Variants in ID2 observed in about 807,000 individuals in gnomAD.
The protein encoded by ID2 is inhibitor of DNA binding 2, also known as DNA-binding protein inhibitor ID-2.
A neutral mutation model predicts 8.3 loss-of-function variants in ID2; 2 were observed. That is an observed-to-expected ratio of 0.24 (90% CI 0.10 to 0.76). The LOEUF (loss-of-function observed/expected upper bound fraction) is 0.76, where lower values mean the gene tolerates loss of function less well. ID2 is among the 30% of genes least tolerant of loss of function. The pLI, the probability that ID2 is intolerant of heterozygous loss-of-function variation, is 0.73. For missense variants in ID2, 155 were observed against 167.0 expected (o/e 0.93, Z 0.40); for synonymous variants, 112 against 72.3 (o/e 1.55, Z -2.79).
Position 8,683,046 on chromosome 2 carries a change from A to G in ID2, c.*7+140A>G, listed in dbSNP as rs1283904720. 8.4e-6 allele frequency: 6 copies of G among 712,734 alleles called. No individual in the cohort carries two copies. The East Asian group carries it at 1.0e-4, about 12-fold the overall frequency. 44.2% of individuals were successfully genotyped at this position (712,734 alleles called of 1,614,324 possible). A position where few individuals can be genotyped will look rare whatever the true frequency, so the allele number is the denominator to read the frequency against. On this transcript the variant is annotated intron_variant, in intron 2 of 2. Transcript: ENST00000396290. ...TACTTCGCGGTGTTACCCGTACTAC[A>G]TTGTCTCACTAGACATGAAGGAGCT... is the stretch of plus-strand genomic sequence containing the variant.
At position 8,682,506 on chromosome 2, in the gene ID2, C is replaced by G; in HGVS notation, c.341C>G (p.Ser114Cys). 1.2e-6 allele frequency: 2 copies of G among 1,612,110 alleles called. No individual in the cohort carries two copies. Among genetic ancestry groups the G allele is most frequent in the Non-Finnish European group, 8.5e-7 (1 of 1,179,306 alleles). ...CTCAACACGGATATCAGCATCCTGTCCTTGCAGGTAAGACCTGCTCCGGGG... is the reference window on the plus strand; with the variant it reads ...CTCAACACGGATATCAGCATCCTGTGCTTGCAGGTAAGACCTGCTCCGGGG... The part of the protein sequence containing the change: ...TTLNTDISIL[S>C]LQASEFPSEL... Residue 114 changes from serine to cysteine, a missense_variant, in exon 1 of 3, where the codon TCC becomes TGC. By Grantham distance (112) the Ser-to-Cys change is moderately radical (BLOSUM62 -1). Transcript: ENST00000396290.
At chr2:8,682,935 T>TAAACTGCCC in intron 2 of ID2, 29 bp downstream of exon 2, 1 of 1,571,976 alleles carries the variant, frequency 6.4e-7, no homozygotes, top group Non-Finnish European at 8.8e-7. Flanking sequence ...CACCCGTGGG[T>TAAACTGCCC]AAACTGCCCC....
intron 1 of ID2, 67 bp from the exon 2 acceptor site, chr2:8,682,776 A>AC (rs1662120189): frequency 4.5e-5 from 56 of 1,236,088 alleles, no homozygotes; most frequent in Middle Eastern, 1.9e-4. Flanking sequence ...AAAAAAAAAA[A>AC]AAAAAAAAAA....
At chr2:8,682,982 T>G (rs1234605471) in intron 2 of ID2, 76 bp downstream of exon 2, 2 of 1,063,188 alleles carry the variant, frequency 1.9e-6, no homozygotes, top group African/African-American at 3.1e-5. Flanking sequence ...TGTTTTTGCT[T>G]GTGTATCTAT....
At position 8,682,099 on chromosome 2, in the gene ID2, C is replaced by G. The variant is rs551788901; in HGVS notation, c.-67C>G. 4.7e-6 allele frequency: 6 copies of G among 1,284,580 alleles called. No individual in the cohort carries two copies. The highest frequency in any genetic ancestry group is 6.6e-6 in the Non-Finnish European group (6 of 906,328). 79.6% of individuals were successfully genotyped at this position (1,284,580 alleles called of 1,614,324 possible). On this transcript the variant is annotated 5_prime_UTR_variant, in exon 1 of 3. Coordinates refer to ENST00000396290, the MANE Select transcript of ID2 (RefSeq NM_002166.5). ...TGCCAAGCGCAGCTAGCTCAGCAGG[C>G]GGCAGCGGCGGCCTGAGCTTCAGGG...
chr2:8,684,095 T>C lies in ID2; in HGVS notation c.*418T>C, dbSNP rs926783899. On this transcript the variant is annotated 3_prime_UTR_variant, in exon 3 of 3. Transcript: ENST00000396290. ...AGTCTTTTGGTCAGAAATTACCTTT[T>C]TGACACAAGCCTACTGAATGCTGTG... 1 of 152,322 alleles carries C rather than the reference T, an allele frequency of 6.6e-6. No individual in the cohort carries two copies. The highest frequency in any genetic ancestry group is 1.9e-4 in the East Asian group (1 of 5,204). The allele number at this position is 152,322 out of a possible 1,614,324, so 9.4% of individuals were successfully genotyped here. A position where few individuals can be genotyped will look rare whatever the true frequency, so the allele number is the denominator to read the frequency against.
Position 8,682,176 on chromosome 2 carries a change from T to C in ID2, c.11T>C (p.Phe4Ser). The change falls in exon 1 of 3, where the codon TTC becomes TCC. Residue 4 changes from phenylalanine to serine, a missense_variant. By Grantham distance (155) the Phe-to-Ser change is radical. Around this residue, in one of 3 missense-constraint regions of ID2, gnomAD observed 73 missense variants for 72.2 expected, o/e 1.01. Coordinates refer to ENST00000396290, the MANE Select transcript of ID2 (RefSeq NM_002166.5). The stretch of plus-strand genomic sequence containing the variant: ...TCCCTCGCGGTCAGCATGAAAGCCT[T>C]CAGTCCCGTGAGGTCCGTTAGGAAA... The part of the protein sequence containing the change: MKA[F>S]SPVRSVRKNS... 6.2e-7 allele frequency: 1 copy of C among 1,613,396 alleles called. No homozygotes were observed. The highest frequency in any genetic ancestry group is 8.5e-7 in the Non-Finnish European group (1 of 1,179,910).
At chr2:8,683,098 G>C in intron 2 of ID2, 192 bp downstream of exon 2, 1 of 604,196 alleles carries the variant, frequency 1.7e-6, no homozygotes, top group Non-Finnish European at 3.0e-6. Context: ...CGAGATCACA[G>C]AACATTTTCC....
intron 2 of ID2, among the ~76,000 whole-genome samples, 164 bp from the exon 3 acceptor site, chr2:8,683,521 C>T (rs1236947941): frequency 6.6e-6 from 1 of 152,186 alleles, no homozygotes; most frequent in African/African-American, 2.4e-5. Context: ...TTAATTTGCG[C>T]TGTCGAGGCG....
intron 2 of ID2, among the ~76,000 whole-genome samples, chr2:8,683,303 G>T (rs1241133704): frequency 6.6e-6 from 1 of 152,142 alleles, no homozygotes; most frequent in East Asian, 1.9e-4. Context: ...AGTCCTCTGG[G>T]ATTCTCTGGG....
Position 8,682,329 on chromosome 2 carries a change from A to C in ID2, c.164A>C (p.Gln55Pro). ...KLKELVPSIP[Q>P]NKKVSKMEIL... Reference sequence around the variant, plus strand: ...AAGGAGCTGGTGCCCAGCATCCCCCAGAACAAGAAGGTGAGCAAGATGGAA... The same window carrying C: ...AAGGAGCTGGTGCCCAGCATCCCCCCGAACAAGAAGGTGAGCAAGATGGAA... Residue 55 changes from glutamine to proline, a missense_variant, in exon 1 of 3, where the codon CAG becomes CCG. This residue lies in a region of ID2 where 73 missense variants were observed against 72.2 expected (regional missense o/e 1.01). Coordinates refer to ENST00000396290, the MANE Select transcript of ID2 (RefSeq NM_002166.5). 6.2e-7 allele frequency: 1 copy of C among 1,614,126 alleles called. No homozygotes were observed. The highest frequency in any genetic ancestry group is 8.5e-7 in the Non-Finnish European group (1 of 1,180,030).
In ID2 at chr2:8,682,107, G is replaced by A; in HGVS notation, c.-59G>A. The A allele has an allele frequency of 7.2e-7, 1 of 1,387,724 alleles. No individual in the cohort carries two copies. Among genetic ancestry groups the A allele is most frequent in the South Asian group, 1.2e-5 (1 of 82,552 alleles). 86.0% of individuals were successfully genotyped at this position (1,387,724 alleles called of 1,614,324 possible). ...GCAGCTAGCTCAGCAGGCGGCAGCG[G>A]CGGCCTGAGCTTCAGGGCAGCCAGC... On this transcript the variant is annotated 5_prime_UTR_variant, in exon 1 of 3. Transcript: ENST00000396290.
At position 8,682,233 on chromosome 2, in the gene ID2, C is replaced by T; in HGVS notation, c.68C>T (p.Ser23Phe). The change falls in exon 1 of 3, where the codon TCC becomes TTC. Residue 23 changes from serine to phenylalanine, a missense_variant. This residue lies in a region of ID2 where 73 missense variants were observed against 72.2 expected (regional missense o/e 1.01). Transcript: ENST00000396290. ...CTGTCGGACCACAGCCTGGGCATCT[C>T]CCGGAGCAAAACCCCTGTGGACGAC... ...NSLSDHSLGI[S>F]RSKTPVDDPM... The T allele has an allele frequency of 6.2e-7, 1 of 1,614,114 alleles. No homozygotes were observed.
At chr2:8,682,752 C>G in intron 1 of ID2, 91 bp from the exon 2 acceptor site, 3 of 968,478 alleles carry the variant, frequency 3.1e-6, no homozygotes, top group East Asian at 2.4e-5. Context: ...ACTTGCTGGT[C>G]TGTGGACTAC....
At chr2:8,682,801 A>T (rs902448210) in intron 1 of ID2, 42 bp from the exon 2 acceptor site, 1 of 1,466,576 alleles carries the variant, frequency 6.8e-7, no homozygotes. Flanking sequence ...TTTCTACTTA[A>T]CATTGTCTTA....
At chr2:8,683,052 T>C in intron 2 of ID2, 146 bp downstream of exon 2, 2 of 681,302 alleles carry the variant, frequency 2.9e-6, no homozygotes, top group Admixed American at 4.7e-5. Context: ...CTACATTGTC[T>C]CACTAGACAT....
chr2:8,683,036 C>G, intron 2 of ID2, 130 bp downstream of exon 2: 1 of 753,380 alleles, frequency 1.3e-6, no homozygotes, highest in Non-Finnish European at 2.4e-6. Flanking sequence ...CGCGGTGTTA[C>G]CCGTACTACA....
At chr2:8,682,803 A>G (rs767916717) in intron 1 of ID2, 40 bp from the exon 2 acceptor site, 28 of 1,485,916 alleles carry the variant, frequency 1.9e-5, no homozygotes, top group East Asian at 6.8e-5. Context: ...TCTACTTAAC[A>G]TTGTCTTAAC....
rs1031733543 is a variant in ID2, at chr2:8,682,597, A to T, written c.348+84A>T. 35 of 1,001,304 alleles carry T rather than the reference A, an allele frequency of 3.5e-5. No homozygotes were observed. The African/African-American group carries it at 5.5e-4, about 16-fold the overall frequency. The allele number at this position is 1,001,304 out of a possible 1,614,324, so 62.0% of individuals were successfully genotyped here. ...TGTCACTAGGAGATCCGTAGCCCAG[A>T]CGGTGACTTTCGTATGAGCTATTTA... On this transcript the variant is annotated intron_variant, in intron 1 of 2. Coordinates refer to ENST00000396290, the MANE Select transcript of ID2 (RefSeq NM_002166.5).
Sources: gnomAD v4.1 joint callset for allele counts (sites outside exome capture counted in the v4.1 genomes callset) on GRCh38, gnomAD v4.1.1 for gene constraint, gnomAD v4.1.1 regional missense constraint, MANE v1.5 for transcripts, NCBI Gene and HGNC (gene_info 2026-07-23, HGNC 2026-07-21) for gene names.